The following EPHB1 variants were observed in gnomAD, a reference collection of about 807,000 sequenced individuals.
EPHB1 encodes the protein EPH receptor B1.
A neutral mutation model predicts 94.4 loss-of-function variants in EPHB1; 30 were observed. The observed-to-expected ratio is 0.32, with a 90% CI of 0.24 to 0.43. EPHB1 has a LOEUF of 0.43. Ranked by LOEUF, EPHB1 falls within the 20% of genes least tolerant of loss-of-function variation. The pLI, the probability that EPHB1 is intolerant of heterozygous loss-of-function variation, is 1.00. For missense variants in EPHB1, 1,055 were observed against 1,308.3 expected, an observed-to-expected ratio of 0.81 and a Z score of 2.99; for synonymous variants, 522 against 489.1, an observed-to-expected ratio of 1.07 and a Z score of -0.89.
At chr3:135,216,185 G>A (rs548064991) in intron 12 of EPHB1, among the ~76,000 whole-genome samples, 18 of 152,204 alleles carry the variant, frequency 1.2e-4, no homozygotes, top group Non-Finnish European at 1.8e-4. Flanking sequence ...AGGAGACAGC[G>A]AGGGCACAGG....
At chr3:134,936,577 C>G (rs1039911721) in intron 2 of EPHB1, among the ~76,000 whole-genome samples, 7 of 152,138 alleles carry the variant, frequency 4.6e-5, no homozygotes, top group South Asian at 2.1e-4. Context: ...ACGCGCCCCC[C>G]CCTCCATTTG....
chr3:135,081,195 T>A (rs1018210541), intron 3 of EPHB1, among the ~76,000 whole-genome samples: 4 of 152,182 alleles, frequency 2.6e-5, no homozygotes, highest in Non-Finnish European at 5.9e-5. Context: ...TTGAGGAATT[T>A]CATAGTCTTG....
intron 5 of EPHB1, among the ~76,000 whole-genome samples, chr3:135,141,085 A>G (rs1166812355): frequency 1.3e-5 from 2 of 151,940 alleles, no homozygotes; most frequent in South Asian, 2.1e-4. Context: ...AAACTGCAGG[A>G]AAACCTTTGC....
chr3:134,937,462 C>A lies in EPHB1; in HGVS notation c.123+11582C>A, dbSNP rs3772660. Among the ~76,000 whole-genome samples, 42 of 152,372 alleles carry A rather than the reference C, an allele frequency of 2.8e-4. No individual in the cohort carries two copies. In the East Asian group the frequency reaches 6.4e-3, roughly 23 times the overall value. ...CAGAGGCCCCACCCCTTCCTTCTCCCATGGCTGGCTCTCTTGTTTCCAAGA... is the reference window on the plus strand; with the variant it reads ...CAGAGGCCCCACCCCTTCCTTCTCCAATGGCTGGCTCTCTTGTTTCCAAGA... On this transcript the variant is annotated intron_variant, in intron 2 of 15. Transcript: ENST00000398015.
intron 3 of EPHB1, among the ~76,000 whole-genome samples, chr3:135,065,677 C>A (rs1937571922): frequency 6.6e-6 from 1 of 152,116 alleles, no homozygotes; most frequent in Admixed American, 6.5e-5. Flanking sequence ...GCATTTAGAC[C>A]ATTTACATTC....
intron 1 of EPHB1, among the ~76,000 whole-genome samples, chr3:134,809,501 T>C (rs2036127081): frequency 1.3e-5 from 2 of 152,194 alleles, no homozygotes; most frequent in Non-Finnish European, 2.9e-5. Context: ...GAGCATCTCC[T>C]CCTCACCCTT....
In EPHB1 at chr3:134,998,114, C is replaced by T. The variant is rs528541191; in HGVS notation, c.805+46062C>T. Among the ~76,000 whole-genome samples, 37 of 152,184 alleles carry T rather than the reference C, an allele frequency of 2.4e-4. 1 individual carries two copies. The highest frequency in any genetic ancestry group is 1.0e-4 in the Non-Finnish European group (7 of 68,042). Reference sequence around the variant, plus strand: ...GTATCTCTGCTCTGCTCAGGTGGCACGGCAGATCTAAAGCATCTGGTTCTT... The same window carrying T: ...GTATCTCTGCTCTGCTCAGGTGGCATGGCAGATCTAAAGCATCTGGTTCTT... On this transcript the variant is annotated intron_variant, in intron 3 of 15. Transcript: ENST00000398015.
chr3:135,109,817 C>G (rs1358403973), intron 4 of EPHB1, among the ~76,000 whole-genome samples: 1 of 152,194 alleles, frequency 6.6e-6, no homozygotes, highest in Admixed American at 6.5e-5. Context: ...AGAAGCTGGG[C>G]AGGAGCAATG....
intron 3 of EPHB1, among the ~76,000 whole-genome samples, chr3:135,078,391 A>G (rs1938024879): frequency 6.6e-6 from 1 of 152,200 alleles, no homozygotes; most frequent in Non-Finnish European, 1.5e-5. Flanking sequence ...CCCCAAGCCC[A>G]AACCCCAGCC....
At chr3:134,831,809 CAA>C (rs1396604172) in intron 1 of EPHB1, among the ~76,000 whole-genome samples, 2 of 152,188 alleles carry the variant, frequency 1.3e-5, no homozygotes, top group Admixed American at 1.3e-4. Context: ...TCTGATTTCT[CAA>C]AGAGGAGATT....
At chr3:134,806,073 C>A (rs1350817273) in intron 1 of EPHB1, among the ~76,000 whole-genome samples, 1 of 152,112 alleles carries the variant, frequency 6.6e-6, no homozygotes, top group Non-Finnish European at 1.5e-5. Context: ...AGGAAAAGAT[C>A]AACAAACACT....
chr3:135,241,753 A>G (rs1054324175), intron 13 of EPHB1, among the ~76,000 whole-genome samples: 5 of 152,206 alleles, frequency 3.3e-5, no homozygotes, highest in African/African-American at 1.2e-4. Flanking sequence ...AGCCAGTCGC[A>G]GTTTCTGTGT....
intron 1 of EPHB1, among the ~76,000 whole-genome samples, chr3:134,807,547 G>C (rs1261676206): frequency 2.4e-4 from 1 of 4,168 alleles, no homozygotes; most frequent in African/African-American, 4.7e-4. Context: ...GTGTGAGAGA[G>C]AGAGGGGAGA....
At chr3:134,848,710 G>A (rs62272438) in intron 1 of EPHB1, among the ~76,000 whole-genome samples, 12,395 of 152,248 alleles carry the variant, frequency 0.081, 612 homozygotes, top group South Asian at 0.22. Context: ...TAGTTGGTAG[G>A]CAGTCTTCAG....
At chr3:135,225,306 C>A (rs1943367655) in intron 12 of EPHB1, among the ~76,000 whole-genome samples, 3 of 152,168 alleles carry the variant, frequency 2.0e-5, no homozygotes, top group Admixed American at 1.3e-4. Flanking sequence ...GATGCAGAAC[C>A]TCCAGGGTCA....
chr3:135,098,137 T>TGCTCA lies in EPHB1; in HGVS notation c.806-8301_806-8297dup, dbSNP rs1009811130. ...GTAAACACTTCACCCTGACCTGCTA[T>TGCTCA]GCTCAGCTCAGCTCCTTGGAATTGG... is the stretch of plus-strand genomic sequence containing the variant. On this transcript the variant is annotated intron_variant, in intron 3 of 15. Transcript: ENST00000398015. 7.9e-5 allele frequency among the ~76,000 whole-genome samples: 12 copies of TGCTCA among 152,368 alleles called. 1 individual carries two copies. The highest frequency in any genetic ancestry group is 2.1e-4 in the South Asian group (1 of 4,828).
chr3:134,978,997 G>A (rs139052556), intron 3 of EPHB1, among the ~76,000 whole-genome samples: 1 of 152,192 alleles, frequency 6.6e-6, no homozygotes, highest in Non-Finnish European at 1.5e-5. Flanking sequence ...GGGGCCAGGG[G>A]CCTTGGGGTC....
intron 12 of EPHB1, among the ~76,000 whole-genome samples, chr3:135,208,210 G>T (rs1942948786): frequency 6.6e-6 from 1 of 152,040 alleles, no homozygotes; most frequent in African/African-American, 2.4e-5. Flanking sequence ...AAGGAGGCCT[G>T]TAGCAGTCCA....
intron 12 of EPHB1, among the ~76,000 whole-genome samples, chr3:135,202,405 A>G (rs1039277449): frequency 6.6e-6 from 1 of 151,698 alleles, no homozygotes; most frequent in Non-Finnish European, 1.5e-5. Context: ...TTTATTTTCA[A>G]TCCCTCAGCG....
Sources: allele counts gnomAD v4.1 joint callset (sites outside exome capture counted in the v4.1 genomes callset), GRCh38; gene constraint gnomAD v4.1.1; transcripts MANE v1.5; gene names NCBI Gene and HGNC (gene_info 2026-07-23, HGNC 2026-07-21).